SGCZ: variants seen among roughly 807,000 people sequenced by gnomAD.
SGCZ encodes sarcoglycan zeta.
In SGCZ, 40 loss-of-function variants were observed where a neutral mutation model predicts 41.3. The ratio of observed to expected loss-of-function variants is 0.97; its 90% CI spans 0.75 to 1.26. The LOEUF is 1.26. Among genes scored for constraint, SGCZ ranks in the 50% most tolerant of loss-of-function variants. SGCZ has a pLI of 0.00. For synonymous variants in SGCZ, 206 were observed against 137.5 expected, an observed-to-expected ratio of 1.50 and a Z score of -3.49; for missense variants, 552 against 369.8, an observed-to-expected ratio of 1.49 and a Z score of -4.04.
intron 1 of SGCZ, among the ~76,000 whole-genome samples, chr8:14,927,815 T>A (rs560427110): frequency 6.6e-6 from 1 of 152,064 alleles, no homozygotes; most frequent in South Asian, 2.1e-4. Flanking sequence ...TCTGACCCTA[T>A]GTTTCTTCTT....
intron 1 of SGCZ, among the ~76,000 whole-genome samples, chr8:15,048,093 T>A (rs552384963): frequency 6.6e-6 from 1 of 152,028 alleles, no homozygotes; most frequent in Admixed American, 6.6e-5. Flanking sequence ...CTACCATTCA[T>A]TGGCAGAATG....
At chr8:14,284,801 C>G (rs1172159324) in intron 3 of SGCZ, among the ~76,000 whole-genome samples, 1 of 152,068 alleles carries the variant, frequency 6.6e-6, no homozygotes, top group Non-Finnish European at 1.5e-5. Flanking sequence ...TTGTGTACAT[C>G]TTTACTATTT....
At chr8:14,328,854 A>G (rs4831576) in intron 2 of SGCZ, among the ~76,000 whole-genome samples, 30,484 of 152,168 alleles carry the variant, frequency 0.2, 3,768 homozygotes, top group Non-Finnish European at 0.29. Flanking sequence ...CCCTTATAAA[A>G]GAGGTAAATG....
chr8:14,107,134 T>A (rs2116997463), intron 6 of SGCZ, among the ~76,000 whole-genome samples: 1 of 151,926 alleles, frequency 6.6e-6, no homozygotes, highest in Non-Finnish European at 1.5e-5. Flanking sequence ...GAGAATGGCG[T>A]GAACCTGCGA....
intron 1 of SGCZ, among the ~76,000 whole-genome samples, chr8:14,589,409 T>C (rs574532492): frequency 6.6e-6 from 1 of 151,682 alleles, no homozygotes; most frequent in East Asian, 1.9e-4. Context: ...CATTTCCTAA[T>C]AATACCAACC....
chr8:14,702,671 G>A (rs1240224263), intron 1 of SGCZ, among the ~76,000 whole-genome samples: 1 of 151,644 alleles, frequency 6.6e-6, no homozygotes. Context: ...ACACCTTGGG[G>A]TCACTGATGA....
intron 2 of SGCZ, among the ~76,000 whole-genome samples, chr8:14,446,812 G>C (rs772202924): frequency 6.6e-6 from 1 of 152,028 alleles, no homozygotes; most frequent in African/African-American, 2.4e-5. Flanking sequence ...AAACTAATAC[G>C]TATATGGACC....
At chr8:14,726,871 G>T (rs1270488744) in intron 1 of SGCZ, among the ~76,000 whole-genome samples, 1 of 151,882 alleles carries the variant, frequency 6.6e-6, no homozygotes, top group Non-Finnish European at 1.5e-5. Context: ...CTAGTATCTA[G>T]TATAAATATT....
Position 14,087,306 on chromosome 8 carries a change from T to G in SGCZ, c.*3137A>C, listed in dbSNP as rs924288858. ...TTGGAAGTTTTTGTTGTTCTTGCTG[T>G]TTTTTTTTGAAGTATTTAATTGAAA... On this transcript the variant is annotated 3_prime_UTR_variant, in exon 8 of 8. Coordinates refer to ENST00000382080, the MANE Select transcript of SGCZ (RefSeq NM_139167.4). 2.9e-4 allele frequency among the ~76,000 whole-genome samples: 8 copies of G among 27,744 alleles called. No homozygotes were observed. Among genetic ancestry groups the G allele is most frequent in the African/African-American group, 4.6e-4 (8 of 17,286 alleles). The allele number at this position is 27,744 out of a possible 152,430, so 18.2% of individuals were successfully genotyped here.
At chr8:14,970,844 T>C (rs1056568755) in intron 1 of SGCZ, among the ~76,000 whole-genome samples, 1 of 152,174 alleles carries the variant, frequency 6.6e-6, no homozygotes, top group African/African-American at 2.4e-5. Flanking sequence ...AGTCAGTTAA[T>C]ATATTGATTG....
At chr8:14,757,000 C>A (rs1799696446) in intron 1 of SGCZ, among the ~76,000 whole-genome samples, 1 of 152,180 alleles carries the variant, frequency 6.6e-6, no homozygotes, top group Non-Finnish European at 1.5e-5. Context: ...CCAATCACGT[C>A]TGAATTTTTC....
intron 1 of SGCZ, among the ~76,000 whole-genome samples, chr8:14,757,578 A>G (rs1799719769): frequency 6.6e-6 from 1 of 152,322 alleles, no homozygotes; most frequent in South Asian, 2.1e-4. Flanking sequence ...TGCCTGGTAC[A>G]TAAAAAGGAG....
chr8:14,167,765 G>C (rs572906606), intron 4 of SGCZ, among the ~76,000 whole-genome samples: 5 of 152,246 alleles, frequency 3.3e-5, no homozygotes, highest in African/African-American at 1.2e-4. Context: ...GCTTCTCTCA[G>C]AGATGGCTCC....
intron 2 of SGCZ, among the ~76,000 whole-genome samples, chr8:14,546,130 G>A (rs1040306887): frequency 3.9e-5 from 6 of 152,134 alleles, no homozygotes; most frequent in East Asian, 1.9e-4. Context: ...CAACATTAAC[G>A]ATATCATTTA....
chr8:14,586,340 A>G (rs555301373), intron 1 of SGCZ, among the ~76,000 whole-genome samples: 2 of 151,962 alleles, frequency 1.3e-5, no homozygotes, highest in Non-Finnish European at 2.9e-5. Context: ...CAGACTCCCA[A>G]GTAGCTAGGA....
chr8:14,969,246 T>C (rs1010943726), intron 1 of SGCZ, among the ~76,000 whole-genome samples: 3 of 152,162 alleles, frequency 2.0e-5, no homozygotes, highest in African/African-American at 7.2e-5. Flanking sequence ...TATTTGGGTG[T>C]CCACGAGATA....
intron 4 of SGCZ, among the ~76,000 whole-genome samples, chr8:14,187,515 A>C (rs1804944474): frequency 6.6e-6 from 1 of 152,222 alleles, no homozygotes; most frequent in African/African-American, 2.4e-5. Context: ...ATATCAACAA[A>C]GATATAGGAA....
intron 1 of SGCZ, among the ~76,000 whole-genome samples, chr8:14,931,791 G>C (rs963146026): frequency 2.6e-5 from 4 of 151,882 alleles, no homozygotes; most frequent in African/African-American, 9.7e-5. Flanking sequence ...ATGGAAATTC[G>C]TCAGTCAGCC....
Position 14,988,742 on chromosome 8 carries a change from C to T in SGCZ, c.39+248843G>A, listed in dbSNP as rs142777237. On this transcript the variant is annotated intron_variant, in intron 1 of 7. Transcript: ENST00000382080. ...GAAATGTTTCCTTGTGAAAATACTG[C>T]ATTCTGGGATAACGAAGGAAGCTAT... Among the ~76,000 whole-genome samples the T allele has an allele frequency of 7.4e-4, 113 of 152,114 alleles. 1 individual carries two copies. The highest frequency in any genetic ancestry group is 2.6e-3 in the African/African-American group (109 of 41,496).
Sources: gnomAD v4.1 joint callset for allele counts (sites outside exome capture counted in the v4.1 genomes callset) on GRCh38, gnomAD v4.1.1 for gene constraint, MANE v1.5 for transcripts, NCBI Gene and HGNC (gene_info 2026-07-23, HGNC 2026-07-21) for gene names.